SLC22A23: variants seen among roughly 807,000 people sequenced by gnomAD.
SLC22A23 encodes the protein ion transporter protein.
In SLC22A23, 26 loss-of-function variants were observed where a neutral mutation model predicts 61.0. That is an observed-to-expected ratio of 0.43 (90% CI 0.31 to 0.59). The LOEUF (loss-of-function observed/expected upper bound fraction) is 0.59, where lower values mean the gene tolerates loss of function less well. Ranked by LOEUF, SLC22A23 falls within the 20% of genes least tolerant of loss-of-function variation. The probability of loss-of-function intolerance (pLI) is 0.11; values close to 1 mark genes in which losing one functional copy is unlikely to be tolerated. For synonymous variants in SLC22A23, 430 were observed against 413.9 expected (o/e 1.04, Z -0.47); for missense variants, 796 against 934.7 (o/e 0.85, Z 1.94).
chr6:3,414,689 T>C lies in SLC22A23; in HGVS notation c.758+1063A>G, dbSNP rs1769542805. 7.2e-6 allele frequency among the ~76,000 whole-genome samples: 1 copy of C among 139,372 alleles called. No homozygotes were observed. The highest frequency in any genetic ancestry group is 1.5e-5 in the Non-Finnish European group (1 of 66,350). 91.4% of individuals were successfully genotyped at this position (139,372 alleles called of 152,430 possible). A position where few individuals can be genotyped will look rare whatever the true frequency, so the allele number is the denominator to read the frequency against. On this transcript the variant is annotated intron_variant, in intron 2 of 9. Transcript: ENST00000406686. The surrounding 1 kb of genome is among the most constrained non-coding windows in gnomAD (Gnocchi z 5.1). ...TTTGTTCCATATCACTCTGGGCCCT[T>C]ATTTCCTCAAGGCCAAGATGTCTCG... is the stretch of plus-strand genomic sequence containing the variant.
At chr6:3,273,980 A>G (rs1450195543) in intron 9 of SLC22A23, among the ~76,000 whole-genome samples, 2 of 152,172 alleles carry the variant, frequency 1.3e-5, no homozygotes, top group Non-Finnish European at 2.9e-5. Flanking sequence ...AATTGCTCAC[A>G]TACCACCATT....
chr6:3,438,484 G>A (rs1156265359), intron 1 of SLC22A23: 5 of 456,446 alleles, frequency 1.1e-5, no homozygotes, highest in South Asian at 1.6e-5. Flanking sequence ...CAGTGCTTAC[G>A]TTCAGCTCCG....
In SLC22A23 at chr6:3,396,895, C is replaced by T. The variant is rs1365704422; in HGVS notation, c.913+13293G>A. On this transcript the variant is annotated intron_variant, in intron 3 of 9. Coordinates refer to ENST00000406686, the MANE Select transcript of SLC22A23 (RefSeq NM_015482.2). ...AGGTTGATCCGATTCTTCTGGTACACCAAGGCAAGAACCCCAGGATACAGA... is the reference window on the plus strand; with the variant it reads ...AGGTTGATCCGATTCTTCTGGTACATCAAGGCAAGAACCCCAGGATACAGA... 2.7e-5 allele frequency among the ~76,000 whole-genome samples: 4 copies of T among 148,452 alleles called. No homozygotes were observed. The East Asian group carries it at 5.9e-4, about 22-fold the overall frequency.
chr6:3,377,614 G>T (rs6938857), intron 3 of SLC22A23, among the ~76,000 whole-genome samples: 75,144 of 152,080 alleles, frequency 0.49, 19,130 homozygotes, highest in African/African-American at 0.6. Context: ...CAGGACCTGA[G>T]GAGTAAACTG....
intron 1 of SLC22A23, among the ~76,000 whole-genome samples, chr6:3,433,192 C>T (rs1387262331): frequency 6.6e-6 from 1 of 152,198 alleles, no homozygotes; most frequent in Non-Finnish European, 1.5e-5. Flanking sequence ...ACATGCTGCA[C>T]GGACAGGAGG....
At chr6:3,434,730 C>A (rs185880229) in intron 1 of SLC22A23, among the ~76,000 whole-genome samples, 1 of 152,168 alleles carries the variant, frequency 6.6e-6, no homozygotes, top group African/African-American at 2.4e-5. Context: ...GGCAGCAGAA[C>A]GGAGGAGACG....
intron 1 of SLC22A23, among the ~76,000 whole-genome samples, chr6:3,439,691 G>C (rs993386599): frequency 6.6e-6 from 1 of 152,054 alleles, no homozygotes. Context: ...AAACCCTTTC[G>C]CCACCTCCTT....
intron 6 of SLC22A23, among the ~76,000 whole-genome samples, chr6:3,289,077 C>T (rs1464432734): frequency 6.6e-6 from 1 of 152,254 alleles, no homozygotes; most frequent in Non-Finnish European, 1.5e-5. Flanking sequence ...GAGTCAAATC[C>T]CTTCCCTCCG....
chr6:3,392,964 G>A (rs184746332), intron 3 of SLC22A23, among the ~76,000 whole-genome samples: 3 of 152,288 alleles, frequency 2.0e-5, no homozygotes, highest in Admixed American at 2.0e-4. Context: ...CACACAGAGA[G>A]TGTAGATGGA....
chr6:3,439,928 G>A (rs1372226084), intron 1 of SLC22A23, among the ~76,000 whole-genome samples: 2 of 152,102 alleles, frequency 1.3e-5, no homozygotes, highest in Non-Finnish European at 2.9e-5. Flanking sequence ...GGAGCTCTGG[G>A]GTCCCTGTGG....
chr6:3,361,423 C>A (rs1249125284), intron 3 of SLC22A23, among the ~76,000 whole-genome samples: 1 of 152,060 alleles, frequency 6.6e-6, no homozygotes, highest in Non-Finnish European at 1.5e-5. Context: ...CAAGCAGCAT[C>A]ATGTGGCCAG....
At chr6:3,300,615 T>C (rs988141746) in intron 4 of SLC22A23, among the ~76,000 whole-genome samples, 18 of 152,250 alleles carry the variant, frequency 1.2e-4, no homozygotes, top group African/African-American at 4.3e-4. Context: ...CTGTTGTTTA[T>C]AAATCATCCA....
chr6:3,426,369 G>T (rs527884041), intron 1 of SLC22A23, among the ~76,000 whole-genome samples: 1 of 152,122 alleles, frequency 6.6e-6, no homozygotes, highest in Non-Finnish European at 1.5e-5. Flanking sequence ...GCACAGGGAC[G>T]CATGACTCTC....
chr6:3,444,816 T>C (rs1771801542), intron 1 of SLC22A23: 2 of 985,548 alleles, frequency 2.0e-6, no homozygotes, highest in Non-Finnish European at 2.4e-6. Context: ...CTGAAGGGCA[T>C]ACCTGGCTCC....
intron 9 of SLC22A23, chr6:3,282,469 T>C (rs746135182): frequency 1.5e-5 from 9 of 597,518 alleles, no homozygotes; most frequent in Non-Finnish European, 2.7e-5. Flanking sequence ...GAAGATGCTG[T>C]TGTTAGCATG....
At chr6:3,413,242 GC>G (rs1409913619) in intron 2 of SLC22A23, among the ~76,000 whole-genome samples, 1 of 152,204 alleles carries the variant, frequency 6.6e-6, no homozygotes, top group Non-Finnish European at 1.5e-5. Context: ...GATGGTCCTG[GC>G]CCCAGAGAGA....
At chr6:3,347,154 G>T (rs1236466793) in intron 3 of SLC22A23, among the ~76,000 whole-genome samples, 1 of 152,162 alleles carries the variant, frequency 6.6e-6, no homozygotes, top group African/African-American at 2.4e-5. Context: ...TCCTGTGAGT[G>T]CCCGAAGTTT....
At chr6:3,385,599 G>A (rs1461671672) in intron 3 of SLC22A23, among the ~76,000 whole-genome samples, 1 of 152,198 alleles carries the variant, frequency 6.6e-6, no homozygotes, top group East Asian at 1.9e-4. Flanking sequence ...TAAAACACAG[G>A]TGCCTTAGCT....
chr6:3,323,794 C>T (rs1294048496), intron 4 of SLC22A23, 40 bp downstream of exon 4: 1 of 1,576,534 alleles, frequency 6.3e-7, no homozygotes, highest in South Asian at 1.1e-5. Context: ...GAAGCATGTG[C>T]AGTCGCACCA....
Sources: allele counts gnomAD v4.1 joint callset (sites outside exome capture counted in the v4.1 genomes callset), GRCh38; gene constraint gnomAD v4.1.1; non-coding constraint Gnocchi (gnomAD v3.1); transcripts MANE v1.5; gene names NCBI Gene and HGNC (gene_info 2026-07-23, HGNC 2026-07-21).